Variants in CNTNAP2 observed in about 807,000 individuals in gnomAD.
CNTNAP2 encodes contactin associated protein 2.
Under a neutral mutation model 155.2 loss-of-function variants are expected in CNTNAP2, and 98 were observed. The observed-to-expected ratio is 0.63, with a 90% CI of 0.54 to 0.75. The LOEUF (loss-of-function observed/expected upper bound fraction) is 0.75, where lower values mean the gene tolerates loss of function less well. Among genes scored for constraint, CNTNAP2 ranks in the 30% least tolerant of loss-of-function variants. The probability of loss-of-function intolerance (pLI) is 0.00; values close to 1 mark genes in which losing one functional copy is unlikely to be tolerated. For synonymous variants in CNTNAP2, 651 were observed against 631.2 expected, an observed-to-expected ratio of 1.03 and a Z score of -0.47; for missense variants, 1,727 against 1,688.1, an observed-to-expected ratio of 1.02 and a Z score of -0.40.
chr7:147,095,193 T>C (rs1355233059), intron 4 of CNTNAP2, among the ~76,000 whole-genome samples: 1 of 149,382 alleles, frequency 6.7e-6, no homozygotes, highest in Non-Finnish European at 1.5e-5. Context: ...CTAATTTTTT[T>C]TTTTTTTTTT....
At chr7:146,872,162 A>ATTTTTTTTTTTTTTTTTTTTTTTTTTT in intron 3 of CNTNAP2, among the ~76,000 whole-genome samples, 1 of 111,532 alleles carries the variant, frequency 9.0e-6, no homozygotes, top group Non-Finnish European at 1.8e-5. Context: ...AAATTATTGA[A>ATTTTTTTTTTTTTTTTTTTTTTTTTTT]TTTTTTTTTT....
chr7:147,385,856 C>T (rs985659808), intron 9 of CNTNAP2, among the ~76,000 whole-genome samples: 6 of 152,240 alleles, frequency 3.9e-5, no homozygotes, highest in African/African-American at 1.2e-4. Context: ...TCTGACCCCA[C>T]ATTTCCCTTC....
Position 147,873,709 on chromosome 7 carries a change from T to C in CNTNAP2, c.2099-29856T>C, listed in dbSNP as rs906783883. Among the ~76,000 whole-genome samples, 56 of 152,240 alleles carry C rather than the reference T, an allele frequency of 3.7e-4. 1 individual carries two copies. The highest frequency in any genetic ancestry group is 2.9e-3 in the Admixed American group (45 of 15,286). On this transcript the variant is annotated intron_variant, in intron 13 of 23. Transcript: ENST00000361727. ...CACATTTCAAAGCCAACCATGCCTT[T>C]CCAACGGACCTCCAAAGTCTTAGCT...
chr7:147,372,216 C>G (rs1012144184), intron 9 of CNTNAP2, among the ~76,000 whole-genome samples: 17 of 152,210 alleles, frequency 1.1e-4, no homozygotes, highest in African/African-American at 4.1e-4. Flanking sequence ...GCTCTTACTC[C>G]TGAAAGATAA....
chr7:147,295,674 C>A (rs1805427275), intron 8 of CNTNAP2, among the ~76,000 whole-genome samples: 1 of 152,088 alleles, frequency 6.6e-6, no homozygotes, highest in Non-Finnish European at 1.5e-5. Context: ...AAGATGTAGA[C>A]AAAATATGAA....
intron 8 of CNTNAP2, among the ~76,000 whole-genome samples, chr7:147,240,741 T>C (rs1025802963): frequency 3.9e-5 from 6 of 152,212 alleles, no homozygotes; most frequent in African/African-American, 1.4e-4. Context: ...ACTGACATCA[T>C]GTTTATTATC....
intron 14 of CNTNAP2, among the ~76,000 whole-genome samples, chr7:147,911,285 T>G (rs574143570): frequency 1.9e-4 from 29 of 152,332 alleles, no homozygotes; most frequent in African/African-American, 7.0e-4. Context: ...AAGGTTTCAC[T>G]TACATAGGCA....
chr7:148,259,630 G>A (rs1796520297), intron 20 of CNTNAP2, among the ~76,000 whole-genome samples: 1 of 152,192 alleles, frequency 6.6e-6, no homozygotes, highest in African/African-American at 2.4e-5. Flanking sequence ...CGGTCCAGGA[G>A]AACCCACGCC....
At chr7:148,343,280 T>G (rs899618202) in intron 21 of CNTNAP2, among the ~76,000 whole-genome samples, 1 of 152,232 alleles carries the variant, frequency 6.6e-6, no homozygotes, top group African/African-American at 2.4e-5. Context: ...CTCAGTGACC[T>G]TATTTTCCCA....
chr7:147,457,178 T>C (rs951841076), intron 10 of CNTNAP2, among the ~76,000 whole-genome samples: 2 of 152,070 alleles, frequency 1.3e-5, no homozygotes, highest in African/African-American at 4.8e-5. Context: ...AAAGGCAAGA[T>C]GAAAAGGGCG....
intron 1 of CNTNAP2, among the ~76,000 whole-genome samples, chr7:146,457,744 C>T (rs1340033946): frequency 6.6e-6 from 1 of 151,350 alleles, no homozygotes. Flanking sequence ...ACCTCATGAT[C>T]CACCCACCTG....
chr7:146,662,628 T>A (rs10952649), intron 1 of CNTNAP2, among the ~76,000 whole-genome samples: 1 of 151,866 alleles, frequency 6.6e-6, no homozygotes, highest in Admixed American at 6.6e-5. Context: ...TATTTATCAG[T>A]GTTTTTCCTG....
intron 14 of CNTNAP2, among the ~76,000 whole-genome samples, chr7:147,926,858 G>A (rs1800406846): frequency 6.6e-6 from 1 of 152,132 alleles, no homozygotes; most frequent in African/African-American, 2.4e-5. Flanking sequence ...AAGACAGATT[G>A]ACATATTTAA....
At chr7:147,241,430 C>A (rs1349949469) in intron 8 of CNTNAP2, among the ~76,000 whole-genome samples, 2 of 152,004 alleles carry the variant, frequency 1.3e-5, no homozygotes, top group Non-Finnish European at 2.9e-5. Context: ...GAGTTCCAGA[C>A]CAGCCTGGCC....
At chr7:146,266,881 G>A (rs1253263907) in intron 1 of CNTNAP2, among the ~76,000 whole-genome samples, 1 of 143,056 alleles carries the variant, frequency 7.0e-6, no homozygotes, top group Admixed American at 6.7e-5. Context: ...GGTTCACATT[G>A]CTGAATTTTT....
At chr7:146,322,634 C>CTTTTTTTTTTTTT (rs56287346) in intron 1 of CNTNAP2, among the ~76,000 whole-genome samples, 1,265 of 64,898 alleles carry the variant, frequency 0.019, 160 homozygotes, top group African/African-American at 0.02. Flanking sequence ...TGTTCATTCT[C>CTTTTTTTTTTTTT]TTTTTTTTTT....
intron 21 of CNTNAP2, among the ~76,000 whole-genome samples, chr7:148,382,104 G>A (rs1304631646): frequency 6.6e-6 from 1 of 152,268 alleles, no homozygotes; most frequent in African/African-American, 2.4e-5. Context: ...GAGTGAAAGA[G>A]GCCCAAAGAG....
At chr7:146,392,956 A>G (rs1204918985) in intron 1 of CNTNAP2, among the ~76,000 whole-genome samples, 1 of 152,152 alleles carries the variant, frequency 6.6e-6, no homozygotes, top group South Asian at 2.1e-4. Flanking sequence ...AGAAAAGGGG[A>G]AAGAAGAATC....
intron 1 of CNTNAP2, among the ~76,000 whole-genome samples, chr7:146,575,362 G>T (rs1328521925): frequency 6.6e-6 from 1 of 152,098 alleles, no homozygotes; most frequent in African/African-American, 2.4e-5. Context: ...TGATCCACCC[G>T]CCTCAGCCTC....
Sources: gnomAD v4.1 joint callset for allele counts (sites outside exome capture counted in the v4.1 genomes callset) on GRCh38, gnomAD v4.1.1 for gene constraint, MANE v1.5 for transcripts, NCBI Gene and HGNC (gene_info 2026-07-23, HGNC 2026-07-21) for gene names.